Variants in LEP observed in about 807,000 individuals in gnomAD.
The protein encoded by LEP is leptin (murine obesity homolog).
Under a neutral mutation model 9.8 loss-of-function variants are expected in LEP, and 6 were observed. The ratio of observed to expected loss-of-function variants is 0.61; its 90% CI spans 0.34 to 1.21. The LOEUF is 1.21. LEP is among the 50% of genes most tolerant of loss of function. LEP has a pLI of 0.04. For missense variants in LEP, 134 were observed against 198.1 expected (o/e 0.68, Z 1.94); for synonymous variants, 112 against 81.7 (o/e 1.37, Z -2.00).
intron 1 of LEP, among the ~76,000 whole-genome samples, chr7:128,247,474 T>C (rs1356542761): frequency 1.3e-5 from 2 of 152,068 alleles, no homozygotes; most frequent in Admixed American, 1.3e-4. Flanking sequence ...AAGCTTTGCC[T>C]CCCTTCCTGG....
chr7:128,247,678 C>G (rs1795227709), intron 1 of LEP, among the ~76,000 whole-genome samples: 1 of 152,220 alleles, frequency 6.6e-6, no homozygotes, highest in African/African-American at 2.4e-5. Flanking sequence ...CATGATGCCT[C>G]CCTGATTCCC....
chr7:128,250,626 C>G (rs1465248425), intron 1 of LEP, among the ~76,000 whole-genome samples: 1 of 152,128 alleles, frequency 6.6e-6, no homozygotes, highest in Non-Finnish European at 1.5e-5. Context: ...TGGCTTTGAT[C>G]AAACATTATA....
At chr7:128,250,935 C>G (rs756651950) in intron 1 of LEP, among the ~76,000 whole-genome samples, 1 of 152,178 alleles carries the variant, frequency 6.6e-6, no homozygotes, top group Non-Finnish European at 1.5e-5. Flanking sequence ...AATTTTGCTG[C>G]TTAATCAAGG....
chr7:128,256,665 C>A lies in LEP; in HGVS notation c.*1902C>A. On this transcript the variant is annotated 3_prime_UTR_variant, in exon 3 of 3. Transcript: ENST00000308868. Reference sequence around the variant, plus strand: ...TTTGTAACATGTTTACTTTTCAGGGCATCTTAGCTTCTATTATAGCCACAT... The same window carrying A: ...TTTGTAACATGTTTACTTTTCAGGGAATCTTAGCTTCTATTATAGCCACAT... 6.6e-6 allele frequency: 1 copy of A among 152,220 alleles called. No individual in the cohort carries two copies. The highest frequency in any genetic ancestry group is 1.9e-4 in the East Asian group (1 of 5,202). 9.4% of individuals were successfully genotyped at this position (152,220 alleles called of 1,614,324 possible).
intron 2 of LEP, among the ~76,000 whole-genome samples, chr7:128,253,611 G>A (rs1428438084): frequency 6.6e-6 from 1 of 152,172 alleles, no homozygotes; most frequent in Non-Finnish European, 1.5e-5. Context: ...ACGTCTCCTG[G>A]TCATTGTGGG....
intron 1 of LEP, among the ~76,000 whole-genome samples, chr7:128,243,494 G>A (rs1795175310): frequency 6.6e-6 from 1 of 152,168 alleles, no homozygotes; most frequent in Admixed American, 6.5e-5. Context: ...CCACGGGCGG[G>A]AGTATCCAGG....
At chr7:128,249,567 G>C (rs1239104940) in intron 1 of LEP, among the ~76,000 whole-genome samples, 1 of 152,204 alleles carries the variant, frequency 6.6e-6, no homozygotes, top group Non-Finnish European at 1.5e-5. Flanking sequence ...ACCTAGTTGG[G>C]AGACTCTGAG....
intron 1 of LEP, among the ~76,000 whole-genome samples, chr7:128,243,630 T>C (rs1262238684): frequency 6.6e-6 from 1 of 152,200 alleles, no homozygotes; most frequent in Non-Finnish European, 1.5e-5. Context: ...ACCTGGACGC[T>C]GAAGCATTTT....
At chr7:128,242,834 G>C (rs562435647) in intron 1 of LEP, among the ~76,000 whole-genome samples, 15 of 152,312 alleles carry the variant, frequency 9.8e-5, no homozygotes, top group Middle Eastern at 3.4e-3. Flanking sequence ...CGTGGAGGTG[G>C]CCGCCACGGA....
At chr7:128,252,280 C>T (rs941847006) in intron 2 of LEP, 118 bp downstream of exon 2, 5 of 1,135,154 alleles carry the variant, frequency 4.4e-6, no homozygotes, top group Non-Finnish European at 6.6e-6. Flanking sequence ...ATGCCAGGCA[C>T]CTACTGGAAG....
intron 2 of LEP, among the ~76,000 whole-genome samples, chr7:128,253,481 G>A (rs1357265915): frequency 6.6e-6 from 1 of 152,162 alleles, no homozygotes; most frequent in African/African-American, 2.4e-5. Context: ...TTTAAGCCTT[G>A]TTTTCATCAT....
chr7:128,248,877 A>G (rs1228291513), intron 1 of LEP, among the ~76,000 whole-genome samples: 3 of 152,348 alleles, frequency 2.0e-5, no homozygotes, highest in Admixed American at 1.3e-4. Context: ...CGATCAATAC[A>G]TGTTAGCCAC....
intron 1 of LEP, among the ~76,000 whole-genome samples, chr7:128,245,044 GTGTGTGTGTGTC>G (rs1795195799): frequency 6.6e-6 from 1 of 152,134 alleles, no homozygotes; most frequent in African/African-American, 2.4e-5. Context: ...TTGTGTATGT[GTGTGTGTGTGTC>G]TGTGTGTGTG....
In LEP at chr7:128,256,483, A is replaced by C. The variant is rs10954174; in HGVS notation, c.*1720A>C. 6.5e-6 allele frequency: 1 copy of C among 152,678 alleles called. No individual in the cohort carries two copies. The highest frequency in any genetic ancestry group is 1.5e-5 in the Non-Finnish European group (1 of 68,088). 9.5% of individuals were successfully genotyped at this position (152,678 alleles called of 1,614,324 possible). A position where few individuals can be genotyped will look rare whatever the true frequency, so the allele number is the denominator to read the frequency against. On this transcript the variant is annotated 3_prime_UTR_variant, in exon 3 of 3. Transcript: ENST00000308868. Reference sequence around the variant, plus strand: ...TGAGGCCTGCCCTCAGGGATCTTGCATTCCCAGTGGTCAAACCGCACTCAC... The same window carrying C: ...TGAGGCCTGCCCTCAGGGATCTTGCCTTCCCAGTGGTCAAACCGCACTCAC...
In LEP at chr7:128,256,087, G is replaced by C. The variant is rs1795336528; in HGVS notation, c.*1324G>C. On this transcript the variant is annotated 3_prime_UTR_variant, in exon 3 of 3. Coordinates refer to ENST00000308868, the MANE Select transcript of LEP (RefSeq NM_000230.3). ...GCTTGCATGCCAAATTGTAGTTCTT[G>C]TCTGATTGGCTCACCCAAGCAAGGC... 1 of 152,226 alleles carries C rather than the reference G, an allele frequency of 6.6e-6. No homozygotes were observed. The highest frequency in any genetic ancestry group is 2.4e-5 in the African/African-American group (1 of 41,456). 9.4% of individuals were successfully genotyped at this position (152,226 alleles called of 1,614,324 possible).
intron 1 of LEP, among the ~76,000 whole-genome samples, chr7:128,251,549 C>T (rs574760338): frequency 6.6e-6 from 1 of 152,238 alleles, no homozygotes; most frequent in South Asian, 2.1e-4. Flanking sequence ...TAATTTGATC[C>T]TCATAAAAGC....
chr7:128,253,107 C>A (rs919055457), intron 2 of LEP, among the ~76,000 whole-genome samples: 2 of 152,086 alleles, frequency 1.3e-5, no homozygotes, highest in Non-Finnish European at 2.9e-5. Context: ...TTAGTGCCTA[C>A]GACCAGAGGG....
chr7:128,254,829 T>C lies in LEP; in HGVS notation c.*66T>C, dbSNP rs2116228784. The C allele has an allele frequency of 6.4e-7, 1 of 1,570,168 alleles. No individual in the cohort carries two copies. The highest frequency in any genetic ancestry group is 2.2e-5 in the East Asian group (1 of 44,688). On this transcript the variant is annotated 3_prime_UTR_variant, in exon 3 of 3. Coordinates refer to ENST00000308868, the MANE Select transcript of LEP (RefSeq NM_000230.3). ...GAAGGAACTCTGGCTTCCAGGTATC[T>C]CCAGGATTGAAGAGCATTGCATGGA... is the stretch of plus-strand genomic sequence containing the variant.
intron 1 of LEP, among the ~76,000 whole-genome samples, chr7:128,251,308 C>A (rs1795272168): frequency 6.6e-6 from 1 of 152,192 alleles, no homozygotes. Context: ...CGGTGCTGAG[C>A]ACTGCGTCTG....
Sources: gnomAD v4.1 joint callset for allele counts (sites outside exome capture counted in the v4.1 genomes callset) on GRCh38, gnomAD v4.1.1 for gene constraint, MANE v1.5 for transcripts, NCBI Gene and HGNC (gene_info 2026-07-23, HGNC 2026-07-21) for gene names.